The following CERS5 variants were observed in gnomAD, a reference collection of about 807,000 sequenced individuals.
CERS5 encodes ceramide synthase 5.
In CERS5, 37 loss-of-function variants were observed where a neutral mutation model predicts 58.9. The observed-to-expected ratio is 0.63, with a 90% CI of 0.48 to 0.83. The LOEUF is 0.83. CERS5 is among the 40% of genes least tolerant of loss of function. The pLI is 0.00. For missense variants in CERS5, 398 were observed against 489.3 expected (o/e 0.81, Z 1.76); for synonymous variants, 147 against 177.8 (o/e 0.83, Z 1.38).
chr12:50,138,180 C>T (rs1951785857), intron 5 of CERS5, among the ~76,000 whole-genome samples: 1 of 152,114 alleles, frequency 6.6e-6, no homozygotes, highest in South Asian at 2.1e-4. Context: ...GACATATTTC[C>T]AGTATAGGTT....
At chr12:50,143,695 T>C (rs992464153) in intron 2 of CERS5, 4 of 407,032 alleles carry the variant, frequency 9.8e-6, no homozygotes, top group African/African-American at 7.9e-5. Flanking sequence ...AGATATGGTA[T>C]GTGTCTGGGG....
chr12:50,162,381 C>T (rs866854255), intron 1 of CERS5, among the ~76,000 whole-genome samples: 2 of 151,962 alleles, frequency 1.3e-5, no homozygotes, highest in Non-Finnish European at 2.9e-5. Flanking sequence ...ATGTTGCAAC[C>T]TCTGAAAAGC....
intron 1 of CERS5, among the ~76,000 whole-genome samples, chr12:50,157,250 A>G (rs1938760148): frequency 6.6e-6 from 1 of 152,010 alleles, no homozygotes; most frequent in Non-Finnish European, 1.5e-5. Flanking sequence ...ACCTTGTGAT[A>G]GTGTGAGTTA....
intron 1 of CERS5, chr12:50,144,773 T>A: frequency 6.6e-7 from 1 of 1,520,866 alleles, no homozygotes. Flanking sequence ...ACTTACCTCT[T>A]GGGTCTTGGT....
chr12:50,132,672 A>ATCC, intron 9 of CERS5, among the ~76,000 whole-genome samples: 1 of 152,010 alleles, frequency 6.6e-6, no homozygotes, highest in South Asian at 2.1e-4. Context: ...CTGAACTTAG[A>ATCC]TGACTAACTG....
intron 9 of CERS5, among the ~76,000 whole-genome samples, chr12:50,131,965 C>T (rs778756960): frequency 6.6e-6 from 1 of 151,750 alleles, no homozygotes; most frequent in Non-Finnish European, 1.5e-5. Context: ...ATCAGTTGGG[C>T]ATGGTGACAT....
chr12:50,159,605 C>A (rs1351622144), intron 1 of CERS5, among the ~76,000 whole-genome samples: 1 of 151,902 alleles, frequency 6.6e-6, no homozygotes, highest in Non-Finnish European at 1.5e-5. Flanking sequence ...ATTTTCTTTT[C>A]TTTTTTGAGA....
chr12:50,166,196 G>T (rs1253190018), intron 1 of CERS5: 5 of 208,622 alleles, frequency 2.4e-5, no homozygotes, highest in Non-Finnish European at 4.0e-5. Flanking sequence ...GGTGGCGCGT[G>T]CCTGTAATTC....
At chr12:50,148,595 C>A in intron 1 of CERS5, 1 of 335,856 alleles carries the variant, frequency 3.0e-6, no homozygotes, top group South Asian at 2.1e-5. Flanking sequence ...GACTCTGTCT[C>A]AATAATAAAT....
At chr12:50,133,044 A>G (rs1327013389) in intron 9 of CERS5, 6 of 1,289,064 alleles carry the variant, frequency 4.7e-6, no homozygotes, top group Admixed American at 4.6e-5. Context: ...TACAGGGTCT[A>G]ATCCTTCCTG....
Position 50,144,041 on chromosome 12 carries a change from A to G in CERS5, c.214T>C (p.Cys72Arg). Residue 72 changes from cysteine (C) to arginine (R), a missense_variant, in exon 2 of 10, where the codon TGT becomes CGT. Around this residue, in one of 3 missense-constraint regions of CERS5, gnomAD observed 328 missense variants for 384.5 expected, o/e 0.85. Transcript: ENST00000317551. Reference sequence around the variant, plus strand: ...TCCTCGATGCCAATACAGAGTGCACAGGGTTTGGCAATAAATCTGTAATGG... The same window carrying G: ...TCCTCGATGCCAATACAGAGTGCACGGGGTTTGGCAATAAATCTGTAATGG... ...LLFERFIAKP[C>R]ALCIGIEDSG... is the part of the protein sequence containing the mutation. 6.2e-7 allele frequency: 1 copy of G among 1,609,426 alleles called. No homozygotes were observed. Among genetic ancestry groups the G allele is most frequent in the Non-Finnish European group, 8.5e-7 (1 of 1,175,784 alleles).
chr12:50,155,645 G>A (rs1329788355), intron 1 of CERS5, among the ~76,000 whole-genome samples: 4 of 146,264 alleles, frequency 2.7e-5, no homozygotes, highest in Non-Finnish European at 6.0e-5. Flanking sequence ...GCTGAGGCAG[G>A]AGAATGGCGT....
At chr12:50,153,012 G>C (rs1291272389) in intron 1 of CERS5, among the ~76,000 whole-genome samples, 1 of 152,040 alleles carries the variant, frequency 6.6e-6, no homozygotes. Flanking sequence ...AGAGGTTGTA[G>C]TGAGCTGAGA....
intron 1 of CERS5, among the ~76,000 whole-genome samples, chr12:50,159,300 G>A (rs550466676): frequency 1.1e-4 from 16 of 152,222 alleles, no homozygotes; most frequent in African/African-American, 3.4e-4. Context: ...CAGCCTGGGC[G>A]ACACAGGGCG....
intron 8 of CERS5, chr12:50,134,923 T>C: frequency 1.8e-6 from 1 of 557,894 alleles, no homozygotes; most frequent in Non-Finnish European, 3.2e-6. Context: ...TCTTAGGAAC[T>C]GATGGATTAA....
chr12:50,160,877 C>T (rs1939204358), intron 1 of CERS5, among the ~76,000 whole-genome samples: 2 of 152,040 alleles, frequency 1.3e-5, no homozygotes, highest in South Asian at 4.1e-4. Context: ...CAGTGGGTAG[C>T]CTGAGTGTGT....
intron 4 of CERS5, among the ~76,000 whole-genome samples, chr12:50,140,960 A>T (rs1951942556): frequency 6.6e-6 from 1 of 151,566 alleles, no homozygotes. Context: ...TTTTGTCTAT[A>T]ATATTTTGAA....
chr12:50,143,025 TG>T, intron 3 of CERS5, 48 bp downstream of exon 3: 2 of 1,548,182 alleles, frequency 1.3e-6, no homozygotes, highest in East Asian at 4.6e-5. Context: ...TCAGTCCAGT[TG>T]TATCCCACCG....
intron 1 of CERS5, chr12:50,166,252 G>A (rs1939869782): frequency 5.9e-6 from 1 of 168,640 alleles, no homozygotes; most frequent in Non-Finnish European, 1.3e-5. Flanking sequence ...CAACAGGGGA[G>A]GCGGAGGTCG....
Sources: allele counts gnomAD v4.1 joint callset (sites outside exome capture counted in the v4.1 genomes callset), GRCh38; gene constraint gnomAD v4.1.1; regional missense constraint gnomAD v4.1.1; transcripts MANE v1.5; gene names NCBI Gene and HGNC (gene_info 2026-07-23, HGNC 2026-07-21).